PXDNL: variants seen among roughly 807,000 people sequenced by gnomAD.
PXDNL encodes the protein probable oxidoreductase PXDNL.
PXDNL carries 145 observed loss-of-function variants against 150.8 expected under a neutral mutation model. That is an observed-to-expected ratio of 0.96 (90% CI 0.84 to 1.10). PXDNL has a LOEUF of 1.10. Ranked by LOEUF, PXDNL falls within the 50% of genes least tolerant of loss-of-function variation. The pLI is 0.00. For missense variants in PXDNL, 2,087 were observed against 1,873.9 expected (o/e 1.11, Z -2.10); for synonymous variants, 757 against 725.7 (o/e 1.04, Z -0.69).
At chr8:51,665,571 A>G (rs776819805) in intron 1 of PXDNL, among the ~76,000 whole-genome samples, 7 of 152,372 alleles carry the variant, frequency 4.6e-5, no homozygotes, top group Admixed American at 1.3e-4. Flanking sequence ...TATATGCAAA[A>G]TAAAGCATAA....
rs182722914 is a variant in PXDNL, at chr8:51,665,261, G to A, written c.165-10501C>T. ...GCTTCAGCCAGGAAAGCGAACCCGC[G>A]GTGGGTCTCCCTGGACACCCCTGAG... On this transcript the variant is annotated intron_variant, in intron 1 of 22. Transcript: ENST00000356297. Among the ~76,000 whole-genome samples, 304 of 152,260 alleles carry A rather than the reference G, an allele frequency of 2.0e-3. 2 individuals are homozygous for A. Among genetic ancestry groups the A allele is most frequent in the South Asian group, 6.6e-3 (32 of 4,814 alleles).
chr8:51,399,616 G>A (rs1218110792), intron 17 of PXDNL, among the ~76,000 whole-genome samples: 3 of 152,158 alleles, frequency 2.0e-5, no homozygotes, highest in Admixed American at 6.5e-5. Context: ...CTATGCTTCT[G>A]GAATGATGAC....
intron 4 of PXDNL, among the ~76,000 whole-genome samples, chr8:51,526,169 G>A (rs1348217242): frequency 6.6e-6 from 1 of 152,126 alleles, no homozygotes; most frequent in East Asian, 1.9e-4. Flanking sequence ...AGGACAGACA[G>A]GTGGACGCAT....
intron 21 of PXDNL, among the ~76,000 whole-genome samples, chr8:51,323,721 C>T (rs997446882): frequency 3.3e-5 from 5 of 151,922 alleles, no homozygotes; most frequent in Non-Finnish European, 4.4e-5. Flanking sequence ...CAAGACCAGC[C>T]GGGTCAACAT....
rs763258771 is a variant in PXDNL, at chr8:51,345,867, C to A, written c.3982G>T (p.Asp1328Tyr). The A allele has an allele frequency of 5.0e-6, 8 of 1,612,508 alleles. No homozygotes were observed. The Admixed American group carries it at 1.3e-4, about 27-fold the overall frequency. ...KRSAQYSYPV[D>Y]KDMELSHLRS... Reference sequence around the variant, plus strand: ...AGATGACTTAACTCCATATCCTTATCAACAGGATAGCTGTATTGAGCTGAG... The same window carrying A: ...AGATGACTTAACTCCATATCCTTATAAACAGGATAGCTGTATTGAGCTGAG... The change falls in exon 20 of 23, where the codon GAT becomes TAT. Residue 1328 changes from aspartate (D) to tyrosine (Y), a missense_variant. Asp to Tyr is a radical substitution (Grantham distance 160). Coordinates refer to ENST00000356297, the MANE Select transcript of PXDNL (RefSeq NM_144651.5).
chr8:51,462,567 T>C (rs1000445073), intron 8 of PXDNL, among the ~76,000 whole-genome samples: 8 of 152,138 alleles, frequency 5.3e-5, no homozygotes, highest in African/African-American at 1.9e-4. Flanking sequence ...AAAAACTGGT[T>C]CTTTGAATCA....
chr8:51,350,354 CTTTTTT>C (rs1163628780), intron 19 of PXDNL, among the ~76,000 whole-genome samples: 1 of 77,894 alleles, frequency 1.3e-5, no homozygotes, highest in African/African-American at 5.2e-5. Flanking sequence ...AATGCAGCTT[CTTTTTT>C]TTTTTTTTTT....
At chr8:51,446,821 A>T (rs1228814841) in intron 12 of PXDNL, among the ~76,000 whole-genome samples, 183 bp downstream of exon 12, 2 of 152,152 alleles carry the variant, frequency 1.3e-5, no homozygotes, top group Non-Finnish European at 1.5e-5. Context: ...TGAAAATAGA[A>T]TTCTAAAAAC....
At chr8:51,507,997 T>C (rs1811328878) in intron 4 of PXDNL, among the ~76,000 whole-genome samples, 1 of 151,966 alleles carries the variant, frequency 6.6e-6, no homozygotes, top group African/African-American at 2.4e-5. Flanking sequence ...TTCCAAAGGA[T>C]CCTAGAAAAA....
chr8:51,341,760 G>A (rs1406840093), intron 20 of PXDNL, among the ~76,000 whole-genome samples: 1 of 152,042 alleles, frequency 6.6e-6, no homozygotes, highest in Non-Finnish European at 1.5e-5. Flanking sequence ...ATGTCCTCTA[G>A]AACTACAATG....
At chr8:51,443,203 A>G (rs915123968) in intron 12 of PXDNL, among the ~76,000 whole-genome samples, 3 of 152,184 alleles carry the variant, frequency 2.0e-5, no homozygotes, top group Admixed American at 6.5e-5. Context: ...CATTGCTTAC[A>G]AATATTTGCA....
chr8:51,647,238 G>C (rs1192154363), intron 2 of PXDNL, among the ~76,000 whole-genome samples: 2 of 152,074 alleles, frequency 1.3e-5, no homozygotes, highest in Non-Finnish European at 2.9e-5. Context: ...GCCAATCAGA[G>C]AACGGCAACA....
intron 1 of PXDNL, among the ~76,000 whole-genome samples, chr8:51,788,425 G>A (rs1386091024): frequency 6.6e-6 from 1 of 152,238 alleles, no homozygotes; most frequent in African/African-American, 2.4e-5. Context: ...TTCAAGGAAA[G>A]CCTTTGGAGT....
intron 4 of PXDNL, among the ~76,000 whole-genome samples, chr8:51,536,127 A>G (rs560480065): frequency 6.6e-6 from 1 of 152,294 alleles, no homozygotes; most frequent in East Asian, 1.9e-4. Flanking sequence ...GGGACCTGAA[A>G]TTTTCCTGGA....
intron 4 of PXDNL, among the ~76,000 whole-genome samples, chr8:51,539,258 A>G (rs1812159041): frequency 6.6e-6 from 1 of 152,090 alleles, no homozygotes; most frequent in Non-Finnish European, 1.5e-5. Context: ...TGTTAATATA[A>G]TAAATTACAT....
intron 12 of PXDNL, among the ~76,000 whole-genome samples, chr8:51,445,939 A>T (rs1046621217): frequency 2.1e-4 from 32 of 151,990 alleles, no homozygotes; most frequent in Non-Finnish European, 3.7e-4. Context: ...CTATTTTCAT[A>T]TCTTCCCTAC....
intron 12 of PXDNL, among the ~76,000 whole-genome samples, chr8:51,433,451 C>T (rs1288344268): frequency 6.6e-6 from 1 of 151,900 alleles, no homozygotes; most frequent in Non-Finnish European, 1.5e-5. Flanking sequence ...TCAGTGGAGT[C>T]AGTGGGGCAA....
In PXDNL at chr8:51,472,181, AT is replaced by A; in HGVS notation, c.812+5del. 1 of 1,581,550 alleles carries A rather than the reference AT, an allele frequency of 6.3e-7. No individual in the cohort carries two copies. On this transcript the variant is annotated splice_donor_5th_base_variant and intron_variant, in intron 8 of 22. Transcript: ENST00000356297. ...ATCACAACCCATGTCCATGCTCAGT[AT>A]TTACTTGTTGTGTATCCAAATAATC...
At chr8:51,626,063 T>C (rs1018955375) in intron 2 of PXDNL, among the ~76,000 whole-genome samples, 2 of 152,244 alleles carry the variant, frequency 1.3e-5, no homozygotes, top group African/African-American at 4.8e-5. Context: ...TTTTAGAACC[T>C]AATTTTATTG....
Sources: allele counts gnomAD v4.1 joint callset (sites outside exome capture counted in the v4.1 genomes callset), GRCh38; gene constraint gnomAD v4.1.1; transcripts MANE v1.5; gene names NCBI Gene and HGNC (gene_info 2026-07-23, HGNC 2026-07-21).